The following SORCS2 variants were observed in gnomAD, a reference collection of about 807,000 sequenced individuals.
SORCS2 encodes sortilin related VPS10 domain containing receptor 2, also known as VPS10 domain-containing receptor SorCS2.
Under a neutral mutation model 141.6 loss-of-function variants are expected in SORCS2, and 100 were observed. The ratio of observed to expected loss-of-function variants is 0.71; its 90% CI spans 0.60 to 0.83. SORCS2 has a LOEUF of 0.83. Ranked by LOEUF, SORCS2 falls within the 40% of genes least tolerant of loss-of-function variation. The pLI is 0.00. For synonymous variants in SORCS2, 789 were observed against 676.9 expected (o/e 1.17, Z -2.57); for missense variants, 1,646 against 1,560.2 (o/e 1.05, Z -0.93).
In SORCS2 at chr4:7,193,063, C is replaced by A. The variant is rs368348586; in HGVS notation, c.417C>A (p.Phe139Leu). ...AGGTCTCGCTCATCAGCACGTCGTT[C>A]GTGCTCAAGGGGGACGCGACGCACA... ...RAQVSLISTS[F>L]VLKGDATHNQ... Residue 139 changes from phenylalanine to leucine, a missense_variant, in exon 1 of 27, where the codon TTC (phenylalanine) becomes TTA (leucine). Coordinates refer to ENST00000507866, the MANE Select transcript of SORCS2 (RefSeq NM_020777.3). This position sits in a 1 kb window ranked among gnomAD's most constrained non-coding sequence, Gnocchi z 4.8. The A allele has an allele frequency of 1.3e-6, 2 of 1,553,058 alleles. No homozygotes were observed. The highest frequency in any genetic ancestry group is 2.6e-5 in the East Asian group (1 of 38,990).
intron 8 of SORCS2, among the ~76,000 whole-genome samples, chr4:7,667,440 C>T (rs1722568540): frequency 6.6e-6 from 1 of 152,342 alleles, no homozygotes; most frequent in Middle Eastern, 3.4e-3. Context: ...CTCTGCCAGG[C>T]TCTTCCCTCT....
chr4:7,708,586 T>G (rs919715789), intron 14 of SORCS2, among the ~76,000 whole-genome samples: 1 of 152,128 alleles, frequency 6.6e-6, no homozygotes, highest in Non-Finnish European at 1.5e-5. Context: ...CCTCCCACAG[T>G]CTGGGGGGCG....
intron 3 of SORCS2, among the ~76,000 whole-genome samples, chr4:7,602,693 G>A (rs1427440426): frequency 7.3e-5 from 11 of 150,276 alleles, no homozygotes; most frequent in Non-Finnish European, 1.2e-4. Context: ...CCGGGCAGAG[G>A]GGCTCCTCAC....
At chr4:7,636,561 C>T (rs1720270518) in intron 3 of SORCS2, among the ~76,000 whole-genome samples, 1 of 152,060 alleles carries the variant, frequency 6.6e-6, no homozygotes, top group South Asian at 2.1e-4. Flanking sequence ...CCCGGGGCCA[C>T]CTGTGAGTGT....
At chr4:7,337,893 C>G (rs1720089681) in intron 1 of SORCS2, among the ~76,000 whole-genome samples, 1 of 152,190 alleles carries the variant, frequency 6.6e-6, no homozygotes, top group African/African-American at 2.4e-5. Flanking sequence ...CCACATGCTG[C>G]CCCCTTGCTG....
At chr4:7,255,981 G>A (rs567936394) in intron 1 of SORCS2, among the ~76,000 whole-genome samples, 2 of 150,292 alleles carry the variant, frequency 1.3e-5, no homozygotes, top group Admixed American at 6.6e-5. Context: ...GTGGGGACCC[G>A]GGATTGGTGC....
rs920116098 is a variant in SORCS2 at position 7,192,801 on chromosome 4, C to T, written c.155C>T (p.Ser52Phe). 2.0e-6 allele frequency: 2 copies of T among 1,021,204 alleles called. No individual in the cohort carries two copies. Among genetic ancestry groups the T allele is most frequent in the African/African-American group, 1.7e-5 (1 of 57,586 alleles). The allele number at this position is 1,021,204 out of a possible 1,614,324, so 63.3% of individuals were successfully genotyped here. ...GGCGCCTGCGGGGCGGCGGGGCGCTCCCCTGAGCCCGGGCGCCTGGGTCCT... is the reference window on the plus strand; with the variant it reads ...GGCGCCTGCGGGGCGGCGGGGCGCTTCCCTGAGCCCGGGCGCCTGGGTCCT... ...LLGACGAAGR[S>F]PEPGRLGPHA... The change falls in exon 1 of 27, where the codon TCC (serine) becomes TTC (phenylalanine). Residue 52 changes from serine to phenylalanine, a missense_variant. Transcript: ENST00000507866. This position sits in a 1 kb window ranked among gnomAD's most constrained non-coding sequence, Gnocchi z 4.0.
At chr4:7,368,100 CA>C (rs996653273) in intron 1 of SORCS2, among the ~76,000 whole-genome samples, 2 of 152,214 alleles carry the variant, frequency 1.3e-5, no homozygotes, top group Non-Finnish European at 2.9e-5. Context: ...CACCCCTGTT[CA>C]CGTGTGGTGG....
chr4:7,465,131 C>T (rs1181854691), intron 2 of SORCS2, among the ~76,000 whole-genome samples: 7 of 152,150 alleles, frequency 4.6e-5, no homozygotes, highest in Non-Finnish European at 1.0e-4. Context: ...GGCCGCTGGG[C>T]GAAAGAAGGC....
chr4:7,498,385 T>A (rs908245467), intron 2 of SORCS2, among the ~76,000 whole-genome samples: 11 of 152,254 alleles, frequency 7.2e-5, no homozygotes, highest in African/African-American at 2.4e-4. Context: ...TTAAGTAACT[T>A]AAATTACATA....
chr4:7,476,150 A>G (rs1339603249), intron 2 of SORCS2, among the ~76,000 whole-genome samples: 1 of 152,248 alleles, frequency 6.6e-6, no homozygotes, highest in African/African-American at 2.4e-5. Context: ...ACAGAATCAT[A>G]GGACATGGAT....
chr4:7,351,076 G>A (rs915542830), intron 1 of SORCS2, among the ~76,000 whole-genome samples: 2 of 152,248 alleles, frequency 1.3e-5, no homozygotes, highest in Admixed American at 6.5e-5. Context: ...TCCGCTCCAC[G>A]GACCAGGCTG....
chr4:7,712,517 T>C (rs1032481783), intron 14 of SORCS2, among the ~76,000 whole-genome samples: 2 of 152,100 alleles, frequency 1.3e-5, no homozygotes, highest in Non-Finnish European at 2.9e-5. Flanking sequence ...CAGGTGGTAG[T>C]TGTGGGAATA....
chr4:7,572,470 A>G (rs552391875), intron 3 of SORCS2, among the ~76,000 whole-genome samples: 1 of 152,204 alleles, frequency 6.6e-6, no homozygotes, highest in Non-Finnish European at 1.5e-5. Context: ...ATATTAAGGC[A>G]TATTAGTGAG....
At chr4:7,462,953 T>G (rs926630048) in intron 2 of SORCS2, among the ~76,000 whole-genome samples, 2 of 151,616 alleles carry the variant, frequency 1.3e-5, no homozygotes, top group Non-Finnish European at 2.9e-5. Context: ...CTTGCCAATA[T>G]GGGGACTGAG....
At chr4:7,626,034 C>T (rs1157032873) in intron 3 of SORCS2, among the ~76,000 whole-genome samples, 3 of 151,942 alleles carry the variant, frequency 2.0e-5, no homozygotes, top group African/African-American at 4.8e-5. Context: ...TGGTTCCCAG[C>T]GACTCAGAAG....
intron 1 of SORCS2, among the ~76,000 whole-genome samples, chr4:7,299,105 A>T (rs28543027): frequency 2.0e-5 from 3 of 152,132 alleles, no homozygotes; most frequent in Non-Finnish European, 2.9e-5. Flanking sequence ...GTGGTGAGAC[A>T]GGCTGGGGGA....
At chr4:7,694,774 T>C (rs1045994563) in intron 11 of SORCS2, among the ~76,000 whole-genome samples, 1 of 152,198 alleles carries the variant, frequency 6.6e-6, no homozygotes, top group African/African-American at 2.4e-5. Flanking sequence ...ATTCCACACC[T>C]GCCCCTCTGC....
At chr4:7,202,740 G>C (rs576928052) in intron 1 of SORCS2, among the ~76,000 whole-genome samples, 1 of 152,262 alleles carries the variant, frequency 6.6e-6, no homozygotes, top group African/African-American at 2.4e-5. Flanking sequence ...TCTTTGCCGT[G>C]CATATTTCTG....
Sources: gnomAD v4.1 joint callset for allele counts (sites outside exome capture counted in the v4.1 genomes callset) on GRCh38, gnomAD v4.1.1 for gene constraint, Gnocchi (gnomAD v3.1) non-coding constraint, MANE v1.5 for transcripts, NCBI Gene and HGNC (gene_info 2026-07-23, HGNC 2026-07-21) for gene names.